The following ITGA8 variants were observed in gnomAD, a reference collection of about 807,000 sequenced individuals.
ITGA8 encodes the protein integrin subunit alpha 8.
Under a neutral mutation model 142.3 loss-of-function variants are expected in ITGA8, and 91 were observed. The ratio of observed to expected loss-of-function variants is 0.64; its 90% CI spans 0.54 to 0.76. The LOEUF is 0.76. ITGA8 is among the 30% of genes least tolerant of loss of function. ITGA8 has a pLI of 0.00. For synonymous variants in ITGA8, 505 were observed against 485.2 expected, an observed-to-expected ratio of 1.04 and a Z score of -0.54; for missense variants, 1,406 against 1,327.7, an observed-to-expected ratio of 1.06 and a Z score of -0.92.
chr10:15,613,075 C>T (rs1016291963), intron 15 of ITGA8, among the ~76,000 whole-genome samples: 3 of 152,208 alleles, frequency 2.0e-5, no homozygotes, highest in Non-Finnish European at 2.9e-5. Context: ...ACACGAGAAT[C>T]GCTTGGACCT....
chr10:15,709,313 G>C (rs890252829), intron 2 of ITGA8, among the ~76,000 whole-genome samples: 9 of 152,156 alleles, frequency 5.9e-5, no homozygotes, highest in Non-Finnish European at 4.4e-5. Flanking sequence ...AACCAAGATT[G>C]TTGGCAAGTG....
At chr10:15,593,214 T>C (rs748459101) in intron 21 of ITGA8, among the ~76,000 whole-genome samples, 1 of 152,234 alleles carries the variant, frequency 6.6e-6, no homozygotes, top group Admixed American at 6.5e-5. Context: ...TTTTTAAAAC[T>C]GCTTTTATTA....
chr10:15,622,583 A>G (rs1431619892), intron 13 of ITGA8, among the ~76,000 whole-genome samples: 2 of 21,374 alleles, frequency 9.4e-5, no homozygotes, highest in Admixed American at 8.9e-4. Context: ...CAAACAAAAC[A>G]AAACAAAACA....
intron 15 of ITGA8, among the ~76,000 whole-genome samples, chr10:15,612,557 G>T (rs1042569968): frequency 2.6e-5 from 4 of 152,140 alleles, no homozygotes; most frequent in African/African-American, 9.7e-5. Context: ...GGAAACAGTG[G>T]TATTTTCTTG....
intron 10 of ITGA8, 22 bp downstream of exon 10, chr10:15,658,977 T>G (rs1279666215): frequency 6.8e-7 from 1 of 1,461,360 alleles, no homozygotes; most frequent in South Asian, 1.2e-5. Flanking sequence ...ATTTTATTTA[T>G]TTGATATTAA....
At chr10:15,624,214 A>T (rs537441052) in intron 13 of ITGA8, among the ~76,000 whole-genome samples, 2 of 152,270 alleles carry the variant, frequency 1.3e-5, no homozygotes, top group South Asian at 2.1e-4. Context: ...ACCTTTGAAG[A>T]CTTCTTTGAA....
At chr10:15,702,793 A>C (rs1835189829) in intron 2 of ITGA8, among the ~76,000 whole-genome samples, 1 of 152,248 alleles carries the variant, frequency 6.6e-6, no homozygotes, top group Non-Finnish European at 1.5e-5. Context: ...GGTAGGGCTC[A>C]AAACTATCTT....
At chr10:15,655,437 G>A (rs1337097903) in intron 10 of ITGA8, 31 bp from the exon 11 acceptor site, 18 of 1,544,082 alleles carry the variant, frequency 1.2e-5, no homozygotes, top group East Asian at 2.2e-5. Context: ...ATGACATTTT[G>A]TGTCCAAAAA....
chr10:15,652,727 T>C (rs547222830), intron 11 of ITGA8, among the ~76,000 whole-genome samples: 1 of 152,338 alleles, frequency 6.6e-6, no homozygotes, highest in East Asian at 1.9e-4. Context: ...AGATTGACAT[T>C]CAACTATAAC....
intron 25 of ITGA8, among the ~76,000 whole-genome samples, chr10:15,559,176 G>A (rs1833933733): frequency 6.6e-6 from 1 of 152,220 alleles, no homozygotes; most frequent in African/African-American, 2.4e-5. Context: ...ACGGAGTCCA[G>A]ACTCCCTAGC....
At chr10:15,708,793 G>A (rs915692787) in intron 2 of ITGA8, among the ~76,000 whole-genome samples, 1 of 152,200 alleles carries the variant, frequency 6.6e-6, no homozygotes, top group Admixed American at 6.5e-5. Flanking sequence ...TCAGGTGGAA[G>A]CTGTAGCAGA....
At chr10:15,624,840 G>A (rs1264736518) in intron 13 of ITGA8, among the ~76,000 whole-genome samples, 1 of 152,164 alleles carries the variant, frequency 6.6e-6, no homozygotes, top group Non-Finnish European at 1.5e-5. Context: ...GTGTCCAATG[G>A]TGGGGTTACA....
chr10:15,528,652 G>A (rs1833225921), intron 28 of ITGA8, among the ~76,000 whole-genome samples: 2 of 152,072 alleles, frequency 1.3e-5, no homozygotes, highest in African/African-American at 4.8e-5. Flanking sequence ...CAATCCTGTG[G>A]ATGGAACCAA....
intron 8 of ITGA8, among the ~76,000 whole-genome samples, chr10:15,671,169 G>T (rs1282128132): frequency 6.6e-6 from 1 of 152,152 alleles, no homozygotes; most frequent in African/African-American, 2.4e-5. Context: ...TGTTATTTGG[G>T]GTTTTGGTAT....
rs548462796 is a variant in ITGA8 at position 15,543,064 on chromosome 10, A to G, written c.2880+5391T>C. ...CTGGCTTACACCAAGTAGAATAAAC[A>G]CCATAAATTACTTGTGAGCTACCTA... is the stretch of plus-strand genomic sequence containing the variant. On this transcript the variant is annotated intron_variant, in intron 27 of 29. Coordinates refer to ENST00000378076, the MANE Select transcript of ITGA8 (RefSeq NM_003638.3). 2.0e-5 allele frequency among the ~76,000 whole-genome samples: 3 copies of G among 152,326 alleles called. No individual in the cohort carries two copies. In the South Asian group the frequency reaches 6.2e-4, roughly 32 times the overall value.
intron 13 of ITGA8, among the ~76,000 whole-genome samples, chr10:15,640,443 C>A (rs1267434300): frequency 6.6e-6 from 1 of 152,134 alleles, no homozygotes; most frequent in Admixed American, 6.5e-5. Context: ...AAGCAGGACC[C>A]CAGAGTGAAA....
intron 23 of ITGA8, among the ~76,000 whole-genome samples, chr10:15,575,935 G>A (rs1014054268): frequency 1.4e-5 from 2 of 138,542 alleles, no homozygotes; most frequent in African/African-American, 5.3e-5. Flanking sequence ...TTTCACATGT[G>A]AGAACGTGTG....
In ITGA8 at chr10:15,626,144, TG is replaced by T. The variant is rs1265135791; in HGVS notation, c.1400-9586del. 2.6e-5 allele frequency among the ~76,000 whole-genome samples: 4 copies of T among 152,344 alleles called. No individual in the cohort carries two copies. The East Asian group carries it at 7.7e-4, about 29-fold the overall frequency. On this transcript the variant is annotated intron_variant, in intron 13 of 29. Coordinates refer to ENST00000378076, the MANE Select transcript of ITGA8 (RefSeq NM_003638.3). ...TGTCACACCTGGTCCAACCAATCTT[TG>T]GGCCCTATGTAAATCAGACACTGCC...
chr10:15,690,026 C>T (rs1834903666), intron 2 of ITGA8, among the ~76,000 whole-genome samples: 1 of 152,136 alleles, frequency 6.6e-6, no homozygotes, highest in Admixed American at 6.5e-5. Flanking sequence ...TGTGACTCTG[C>T]ACTCGAGCCC....
Sources: gnomAD v4.1 joint callset for allele counts (sites outside exome capture counted in the v4.1 genomes callset) on GRCh38, gnomAD v4.1.1 for gene constraint, MANE v1.5 for transcripts, NCBI Gene and HGNC (gene_info 2026-07-23, HGNC 2026-07-21) for gene names.